Variants in ATP10B observed in about 807,000 individuals in gnomAD.
The protein encoded by ATP10B is ATPase phospholipid transporting 10B (putative).
A neutral mutation model predicts 141.2 loss-of-function variants in ATP10B; 122 were observed. The observed-to-expected ratio is 0.86, with a 90% CI of 0.75 to 1.00. The LOEUF (loss-of-function observed/expected upper bound fraction) is 1.00. ATP10B is among the 50% of genes least tolerant of loss of function. The pLI is 0.00. For missense variants in ATP10B, 1,876 were observed against 1,825.3 expected (o/e 1.03, Z -0.51); for synonymous variants, 685 against 692.0 (o/e 0.99, Z 0.16).
the ATP10B span, among the ~76,000 whole-genome samples, chr5:160,866,721 A>T: frequency 1.3e-5 from 2 of 151,962 alleles, no homozygotes; most frequent in Non-Finnish European, 2.9e-5. Flanking sequence ...GATATAATAG[A>T]CTTTGGGTAC....
chr5:160,626,857 ATTC>A (rs1300132070), intron 13 of ATP10B, among the ~76,000 whole-genome samples: 6 of 152,132 alleles, frequency 3.9e-5, no homozygotes, highest in African/African-American at 9.7e-5. Context: ...CTACTCTGCT[ATTC>A]TTCTTTCAGT....
the ATP10B span, among the ~76,000 whole-genome samples, chr5:160,918,452 G>C: frequency 6.6e-6 from 1 of 152,114 alleles, no homozygotes; most frequent in Non-Finnish European, 1.5e-5. Flanking sequence ...CATCTGAATG[G>C]AGAGAACAGC....
At chr5:160,574,203 G>A (rs1459403368) in intron 24 of ATP10B, among the ~76,000 whole-genome samples, 1 of 152,198 alleles carries the variant, frequency 6.6e-6, no homozygotes, top group Non-Finnish European at 1.5e-5. Flanking sequence ...GCCATGGTGG[G>A]TGGATCACTT....
the ATP10B span, among the ~76,000 whole-genome samples, chr5:160,859,549 T>C: frequency 6.6e-6 from 1 of 151,910 alleles, no homozygotes; most frequent in East Asian, 1.9e-4. Flanking sequence ...GATAAGTCTG[T>C]TCTAATCCCA....
intron 24 of ATP10B, among the ~76,000 whole-genome samples, chr5:160,580,322 T>C (rs1755461914): frequency 6.6e-6 from 1 of 152,252 alleles, no homozygotes; most frequent in African/African-American, 2.4e-5. Flanking sequence ...GCTCTTATTA[T>C]TTTGAGATAC....
At chr5:160,627,673 T>G (rs1174955450) in intron 13 of ATP10B, among the ~76,000 whole-genome samples, 1 of 152,120 alleles carries the variant, frequency 6.6e-6, no homozygotes, top group Non-Finnish European at 1.5e-5. Context: ...CAACGAATTC[T>G]AGCAGTCATT....
At chr5:160,886,740 A>C in the ATP10B span, among the ~76,000 whole-genome samples, 12 of 152,212 alleles carry the variant, frequency 7.9e-5, no homozygotes, top group Non-Finnish European at 1.2e-4. Context: ...AAGAACCTCT[A>C]AAAGATGACA....
the ATP10B span, among the ~76,000 whole-genome samples, chr5:160,925,404 T>C: frequency 2.0e-5 from 3 of 152,250 alleles, no homozygotes; most frequent in African/African-American, 7.2e-5. Context: ...ATGAGTTTAT[T>C]ATCACCCCCG....
At chr5:160,788,662 T>C (rs1353125559) in intron 1 of ATP10B, among the ~76,000 whole-genome samples, 1 of 152,162 alleles carries the variant, frequency 6.6e-6, no homozygotes, top group Non-Finnish European at 1.5e-5. Context: ...GGAGAATGAT[T>C]CCAGGTGGGG....
chr5:160,657,048 G>A (rs539139532), intron 7 of ATP10B, among the ~76,000 whole-genome samples: 2 of 152,312 alleles, frequency 1.3e-5, no homozygotes, highest in African/African-American at 4.8e-5. Context: ...TGGCGGCACT[G>A]ACCGTCCTGT....
chr5:160,886,839 T>C, the ATP10B span, among the ~76,000 whole-genome samples: 3 of 152,128 alleles, frequency 2.0e-5, no homozygotes, highest in Non-Finnish European at 4.4e-5. Context: ...AGAGTCCCTG[T>C]AAAGCACAAG....
At chr5:160,835,301 A>G (rs1490762809) in intron 1 of ATP10B, among the ~76,000 whole-genome samples, 2 of 152,172 alleles carry the variant, frequency 1.3e-5, no homozygotes, top group Non-Finnish European at 2.9e-5. Flanking sequence ...TTGTTGAAGA[A>G]CAAGCTGAGA....
the ATP10B span, among the ~76,000 whole-genome samples, chr5:160,920,731 C>T: frequency 6.6e-6 from 1 of 152,222 alleles, no homozygotes; most frequent in East Asian, 1.9e-4. Context: ...GCTTCTCACA[C>T]TTCAATGTCA....
At chr5:160,889,207 C>T in the ATP10B span, among the ~76,000 whole-genome samples, 7 of 152,208 alleles carry the variant, frequency 4.6e-5, no homozygotes, top group Admixed American at 3.9e-4. Context: ...GCCAACCCCG[C>T]AGCCTTCCAA....
At chr5:160,638,397 C>T (rs1267408474) in intron 10 of ATP10B, among the ~76,000 whole-genome samples, 2 of 152,070 alleles carry the variant, frequency 1.3e-5, no homozygotes, top group East Asian at 3.9e-4. Context: ...GCTGATATGC[C>T]CTGAAAAACC....
At chr5:160,707,760 A>G (rs1168043708) in intron 3 of ATP10B, among the ~76,000 whole-genome samples, 12 of 152,238 alleles carry the variant, frequency 7.9e-5, no homozygotes, top group Admixed American at 4.6e-4. Flanking sequence ...CAGAAACAGA[A>G]GAAAGAGAAG....
At chr5:160,757,782 C>T (rs945180802) in intron 2 of ATP10B, among the ~76,000 whole-genome samples, 3 of 152,108 alleles carry the variant, frequency 2.0e-5, no homozygotes, top group Admixed American at 6.6e-5. Flanking sequence ...TCCAATTTGT[C>T]TTGTGTGGCT....
At chr5:160,708,931 G>A (rs1034891644) in intron 3 of ATP10B, among the ~76,000 whole-genome samples, 2 of 152,178 alleles carry the variant, frequency 1.3e-5, no homozygotes, top group African/African-American at 4.8e-5. Context: ...ATAGCAAGCA[G>A]ACAAATGATA....
chr5:160,565,070 T>C lies in ATP10B; in HGVS notation c.*383A>G. 1 of 192,478 alleles carries C rather than the reference T, an allele frequency of 5.2e-6. No individual in the cohort carries two copies. 11.9% of individuals were successfully genotyped at this position (192,478 alleles called of 1,614,324 possible). On this transcript the variant is annotated 3_prime_UTR_variant, in exon 26 of 26. Transcript: ENST00000327245. Reference sequence around the variant, plus strand: ...GTAAATAAACCCAGAAACTTCCATATCCTGAGATATTGCCTGGGTTGATAC... The same window carrying C: ...GTAAATAAACCCAGAAACTTCCATACCCTGAGATATTGCCTGGGTTGATAC...
Sources: allele counts gnomAD v4.1 joint callset (sites outside exome capture counted in the v4.1 genomes callset), GRCh38; gene constraint gnomAD v4.1.1; transcripts MANE v1.5; gene names NCBI Gene and HGNC (gene_info 2026-07-23, HGNC 2026-07-21).